CNBD1: variants seen among roughly 807,000 people sequenced by gnomAD.
CNBD1 encodes cyclic nucleotide binding domain containing 1.
CNBD1 carries 71 observed loss-of-function variants against 54.4 expected under a neutral mutation model. That is an observed-to-expected ratio of 1.30 (90% CI 1.08 to 1.59). The LOEUF (loss-of-function observed/expected upper bound fraction) is 1.59, where lower values mean the gene tolerates loss of function less well. CNBD1 is among the 40% of genes most tolerant of loss of function. CNBD1 has a pLI of 0.00. For missense variants in CNBD1, 659 were observed against 518.0 expected (o/e 1.27, Z -2.64); for synonymous variants, 182 against 170.7 (o/e 1.07, Z -0.51).
intron 8 of CNBD1, among the ~76,000 whole-genome samples, chr8:87,287,865 G>GT (rs1808725788): frequency 6.6e-6 from 1 of 151,842 alleles, no homozygotes; most frequent in Admixed American, 6.6e-5. Context: ...TATTTATCAT[G>GT]TTTTTGAGAT....
At chr8:87,326,634 A>G (rs1198073419) in intron 8 of CNBD1, among the ~76,000 whole-genome samples, 2 of 110,786 alleles carry the variant, frequency 1.8e-5, no homozygotes, top group South Asian at 2.7e-4. Context: ...GTAGTTCTCG[A>G]GCCTTGGTTT....
chr8:87,304,566 A>G (rs7815598), intron 8 of CNBD1, among the ~76,000 whole-genome samples: 57,774 of 151,800 alleles, frequency 0.38, 11,277 homozygotes, highest in Middle Eastern at 0.46. Flanking sequence ...CAGCACACCA[A>G]CATGGCACAT....
chr8:87,412,248 GATA>G (rs1807758855), intron 2 of CNBD1, among the ~76,000 whole-genome samples: 1 of 151,906 alleles, frequency 6.6e-6, no homozygotes. Context: ...CCAAATCCTT[GATA>G]TATCATGTGT....
chr8:87,095,894 G>A (rs1004038056), intron 4 of CNBD1, among the ~76,000 whole-genome samples: 6 of 152,152 alleles, frequency 3.9e-5, no homozygotes, highest in East Asian at 1.9e-4. Context: ...TCCTGACCTC[G>A]TGATCTGCCC....
At chr8:87,398,618 AC>A (rs1811448660) in intron 2 of CNBD1, among the ~76,000 whole-genome samples, 1 of 151,956 alleles carries the variant, frequency 6.6e-6, no homozygotes, top group African/African-American at 2.4e-5. Context: ...TTTTTAAAAA[AC>A]CTGATTCATC....
At chr8:86,882,504 A>G (rs535022711) in intron 1 of CNBD1, among the ~76,000 whole-genome samples, 8 of 152,288 alleles carry the variant, frequency 5.3e-5, no homozygotes, top group African/African-American at 1.9e-4. Flanking sequence ...GCTGTTATTA[A>G]AAAGTAAAAA....
chr8:87,311,157 A>G (rs964002637), intron 8 of CNBD1, among the ~76,000 whole-genome samples: 7 of 152,080 alleles, frequency 4.6e-5, no homozygotes, highest in African/African-American at 1.7e-4. Flanking sequence ...CAACAGAATA[A>G]ACAGAACCTA....
intron 3 of CNBD1, among the ~76,000 whole-genome samples, chr8:86,934,631 G>A (rs987360524): frequency 2.0e-5 from 3 of 152,004 alleles, no homozygotes; most frequent in African/African-American, 7.2e-5. Context: ...AAATAATTTT[G>A]TCATATTAAG....
At chr8:87,383,136 T>C (rs1811115533), downstream of CNBD1, among the ~76,000 whole-genome samples, 1 of 152,066 alleles carries the variant, frequency 6.6e-6, no homozygotes, top group Non-Finnish European at 1.5e-5. Context: ...GACCTTGTGC[T>C]TTTTTCATCT....
intron 2 of CNBD1, among the ~76,000 whole-genome samples, chr8:87,419,895 C>T (rs1419891902): frequency 6.6e-6 from 1 of 150,464 alleles, no homozygotes; most frequent in Non-Finnish European, 1.5e-5. Flanking sequence ...ATATTGAAAC[C>T]TGATAAGGAC....
chr8:87,296,247 A>G (rs953257734), intron 8 of CNBD1, among the ~76,000 whole-genome samples: 1 of 152,160 alleles, frequency 6.6e-6, no homozygotes, highest in African/African-American at 2.4e-5. Context: ...AGTCCTTGCC[A>G]TCTTAGATTT....
At chr8:87,207,693 C>A (rs998158391) in intron 5 of CNBD1, among the ~76,000 whole-genome samples, 4 of 151,774 alleles carry the variant, frequency 2.6e-5, no homozygotes, top group Non-Finnish European at 5.9e-5. Context: ...TTATTTTTTT[C>A]AAACATTTTC....
intron 1 of CNBD1, among the ~76,000 whole-genome samples, chr8:86,881,431 G>T (rs907666641): frequency 4.6e-5 from 7 of 151,976 alleles, no homozygotes; most frequent in Non-Finnish European, 1.0e-4. Flanking sequence ...GCCACAGAAA[G>T]AATAAAATAC....
Position 87,147,695 on chromosome 8 carries a change from A to G in CNBD1, c.432-58298A>G, listed in dbSNP as rs146270547. Among the ~76,000 whole-genome samples the G allele has an allele frequency of 8.1e-4, 124 of 152,220 alleles. 1 individual carries two copies. Among genetic ancestry groups the G allele is most frequent in the African/African-American group, 2.9e-3 (120 of 41,548 alleles). On this transcript the variant is annotated intron_variant, in intron 4 of 10. Coordinates refer to ENST00000518476, the MANE Select transcript of CNBD1 (RefSeq NM_173538.3). ...TCCAAAGTTGTTTGAATATGACATG[A>G]TTTAGCCTATTTTTTTAGTACATGG...
At chr8:86,995,832 A>G (rs1175815506) in intron 4 of CNBD1, among the ~76,000 whole-genome samples, 1 of 152,162 alleles carries the variant, frequency 6.6e-6, no homozygotes, top group Non-Finnish European at 1.5e-5. Context: ...AGATTCCTAA[A>G]ATATTTCATT....
intron 1 of CNBD1, among the ~76,000 whole-genome samples, chr8:86,876,180 TGTTTGTG>T (rs1808517812): frequency 1.7e-5 from 1 of 57,538 alleles, no homozygotes; most frequent in African/African-American, 1.3e-4. Flanking sequence ...TGTGTGTGTG[TGTTTGTG>T]TGTGTGTGTG....
chr8:87,019,450 G>A (rs1241642988), intron 4 of CNBD1, among the ~76,000 whole-genome samples: 2 of 152,118 alleles, frequency 1.3e-5, no homozygotes, highest in Non-Finnish European at 2.9e-5. Flanking sequence ...CAATACAAAA[G>A]TGGGGAGAAA....
intron 2 of CNBD1, among the ~76,000 whole-genome samples, chr8:87,388,028 G>A (rs1044600609): frequency 6.6e-6 from 1 of 152,132 alleles, no homozygotes; most frequent in Admixed American, 6.5e-5. Flanking sequence ...CGAAATGAAG[G>A]CAGAAATAAA....
chr8:86,901,213 T>C (rs972901751), intron 2 of CNBD1, among the ~76,000 whole-genome samples: 1 of 152,148 alleles, frequency 6.6e-6, no homozygotes, highest in Non-Finnish European at 1.5e-5. Context: ...ATATATAAAA[T>C]ATAGAGTCAG....
Sources: gnomAD v4.1 joint callset for allele counts (sites outside exome capture counted in the v4.1 genomes callset) on GRCh38, gnomAD v4.1.1 for gene constraint, MANE v1.5 for transcripts, NCBI Gene and HGNC (gene_info 2026-07-23, HGNC 2026-07-21) for gene names.